Variants in NECAB1 observed in about 807,000 individuals in gnomAD.
NECAB1 encodes N-terminal EF-hand calcium-binding protein 1.
NECAB1 carries 29 observed loss-of-function variants against 57.5 expected under a neutral mutation model. The observed-to-expected ratio is 0.50, with a 90% CI of 0.38 to 0.69. The LOEUF (loss-of-function observed/expected upper bound fraction) is 0.69. Ranked by LOEUF, NECAB1 falls within the 30% of genes least tolerant of loss-of-function variation. NECAB1 has a pLI of 0.00. For missense variants in NECAB1, 372 were observed against 413.8 expected, an observed-to-expected ratio of 0.90 and a Z score of 0.88; for synonymous variants, 142 against 147.7, an observed-to-expected ratio of 0.96 and a Z score of 0.28.
At chr8:90,875,156 C>T (rs1024981945) in intron 4 of NECAB1, among the ~76,000 whole-genome samples, 1 of 152,068 alleles carries the variant, frequency 6.6e-6, no homozygotes, top group African/African-American at 2.4e-5. Context: ...TTTACTGAAC[C>T]GTTTTGCAGA....
intron 3 of NECAB1, among the ~76,000 whole-genome samples, chr8:90,828,532 T>A (rs1452734295): frequency 6.6e-6 from 1 of 152,042 alleles, no homozygotes; most frequent in African/African-American, 2.4e-5. Context: ...CCTTGTATAG[T>A]GACTGTTTGC....
At chr8:90,837,387 A>G (rs529174866) in intron 3 of NECAB1, among the ~76,000 whole-genome samples, 1 of 152,356 alleles carries the variant, frequency 6.6e-6, no homozygotes, top group East Asian at 1.9e-4. Flanking sequence ...CAGGTATTGT[A>G]TACAGTGTGG....
intron 2 of NECAB1, among the ~76,000 whole-genome samples, chr8:90,819,869 A>G (rs1380509641): frequency 2.6e-5 from 4 of 151,300 alleles, no homozygotes; most frequent in Admixed American, 2.6e-4. Context: ...TAGGGAGAAC[A>G]TTTGGGGTAT....
intron 3 of NECAB1, among the ~76,000 whole-genome samples, chr8:90,861,267 G>C (rs1812896857): frequency 6.6e-6 from 1 of 152,120 alleles, no homozygotes; most frequent in African/African-American, 2.4e-5. Flanking sequence ...TCTGTAAATA[G>C]GGACTTCTGT....
chr8:90,799,911 A>G lies in NECAB1; in HGVS notation c.100-1780A>G, dbSNP rs1586028952. Reference sequence around the variant, plus strand: ...TGCTTTGGGTAGTATGGCCATTTTAACAATATTGATTCTTCCAATTCTTGA... The same window carrying G: ...TGCTTTGGGTAGTATGGCCATTTTAGCAATATTGATTCTTCCAATTCTTGA... On this transcript the variant is annotated intron_variant, in intron 1 of 12. Transcript: ENST00000417640. Among the ~76,000 whole-genome samples, 3 of 152,340 alleles carry G rather than the reference A, an allele frequency of 2.0e-5. 1 individual carries two copies. Among genetic ancestry groups the G allele is most frequent in the Non-Finnish European group, 1.5e-5 (1 of 68,016 alleles).
intron 9 of NECAB1, among the ~76,000 whole-genome samples, chr8:90,935,659 T>A (rs1263864668): frequency 6.6e-6 from 1 of 152,184 alleles, no homozygotes; most frequent in African/African-American, 2.4e-5. Context: ...ATATAACTTA[T>A]CTAATGTTGT....
rs1460084931 is a variant in NECAB1 at position 90,956,695 on chromosome 8, T to C, written c.*1183T>C. On this transcript the variant is annotated 3_prime_UTR_variant, in exon 13 of 13. Coordinates refer to ENST00000417640, the MANE Select transcript of NECAB1 (RefSeq NM_022351.5). Reference sequence around the variant, plus strand: ...AACTATAAGTCTTTGAGGAAAATTATAAGGTAAAATTTTCCTGTTTTTCCC... The same window carrying C: ...AACTATAAGTCTTTGAGGAAAATTACAAGGTAAAATTTTCCTGTTTTTCCC... The C allele has an allele frequency of 6.6e-6, 1 of 152,178 alleles. No individual in the cohort carries two copies. The highest frequency in any genetic ancestry group is 2.4e-5 in the African/African-American group (1 of 41,408). 9.4% of individuals were successfully genotyped at this position (152,178 alleles called of 1,614,324 possible).
chr8:90,895,181 G>A (rs1196280954), intron 5 of NECAB1, among the ~76,000 whole-genome samples: 2 of 152,192 alleles, frequency 1.3e-5, no homozygotes, highest in East Asian at 3.8e-4. Flanking sequence ...TAAAAGGGAA[G>A]CACAGCACCT....
rs367570451 is a variant in NECAB1, at chr8:90,810,286, G to A, written c.124+8571G>A. Among the ~76,000 whole-genome samples the A allele has an allele frequency of 2.6e-5, 4 of 152,244 alleles. No individual in the cohort carries two copies. In the South Asian group the frequency reaches 8.3e-4, roughly 32 times the overall value. On this transcript the variant is annotated intron_variant, in intron 2 of 12. Coordinates refer to ENST00000417640, the MANE Select transcript of NECAB1 (RefSeq NM_022351.5). ...ATTTTGGCTATGTTCCTGTTTTAAG[G>A]TGGCATGGTATGATGGAGAGTTGGA... is the stretch of plus-strand genomic sequence containing the variant.
intron 8 of NECAB1, among the ~76,000 whole-genome samples, chr8:90,931,520 T>A (rs910695964): frequency 6.6e-6 from 1 of 152,236 alleles, no homozygotes; most frequent in Non-Finnish European, 1.5e-5. Flanking sequence ...TAGGTTTCTT[T>A]AGGTATTCCT....
chr8:90,906,889 A>ATATATATATATATATATGTATGTATATG (rs1586111020), intron 5 of NECAB1, among the ~76,000 whole-genome samples: 2 of 72,852 alleles, frequency 2.7e-5, no homozygotes, highest in African/African-American at 1.1e-4. Context: ...ATATATATAT[A>ATATATATATATATATATGTATGTATATG]TATATATATA....
In NECAB1 at chr8:90,934,448, T is replaced by C. The variant is rs535655278; in HGVS notation, c.747+91T>C. On this transcript the variant is annotated intron_variant, in intron 9 of 12. Transcript: ENST00000417640. The stretch of plus-strand genomic sequence containing the variant: ...AAAAATTAGTTATCTCAATGAAAAA[T>C]TGAAAAACCAAGTAGTCGTATTTCA... 2.2e-3 allele frequency: 1,935 copies of C among 878,110 alleles called. 7 individuals carry two copies. The highest frequency in any genetic ancestry group is 2.8e-3 in the Non-Finnish European group (1,673 of 597,582). 54.4% of individuals were successfully genotyped at this position (878,110 alleles called of 1,614,324 possible). A position where few individuals can be genotyped will look rare whatever the true frequency, so the allele number is the denominator to read the frequency against.
At position 90,872,995 on chromosome 8, in the gene NECAB1, T is replaced by C. The variant is rs112793452; in HGVS notation, c.259+842T>C. Among the ~76,000 whole-genome samples, 25 of 152,156 alleles carry C rather than the reference T, an allele frequency of 1.6e-4. 1 individual carries two copies. The highest frequency in any genetic ancestry group is 5.8e-4 in the African/African-American group (24 of 41,522). The stretch of plus-strand genomic sequence containing the variant: ...ACAGTTTCAGAATTTACCAAAACCA[T>C]AAAAAAAGGCCATTTTCTTATATTC... On this transcript the variant is annotated intron_variant, in intron 4 of 12. Coordinates refer to ENST00000417640, the MANE Select transcript of NECAB1 (RefSeq NM_022351.5).
intron 3 of NECAB1, among the ~76,000 whole-genome samples, chr8:90,834,921 ATT>A (rs2129730153): frequency 6.7e-6 from 1 of 149,280 alleles, no homozygotes; most frequent in African/African-American, 2.5e-5. Flanking sequence ...GGTCTTGTGT[ATT>A]TTTTCCATGT....
intron 3 of NECAB1, among the ~76,000 whole-genome samples, chr8:90,841,280 A>G (rs1384914505): frequency 2.8e-5 from 4 of 143,142 alleles, no homozygotes; most frequent in East Asian, 2.2e-4. Flanking sequence ...AAAAAAAAAA[A>G]GGGACCAAGT....
intron 3 of NECAB1, chr8:90,859,169 G>C (rs1408244310): frequency 6.6e-6 from 1 of 152,210 alleles, no homozygotes; most frequent in Admixed American, 6.5e-5. Context: ...CCCGCCTCTG[G>C]ATGAATATAG....
At position 90,876,009 on chromosome 8, in the gene NECAB1, C is replaced by CA. The variant is rs1325041330; in HGVS notation, c.259+3862dup. Reference sequence around the variant, plus strand: ...TGGGCGACAGAGCAAGACTCTGTCTCAAAAAATAATAATAATAAATAAAGT... The same window carrying CA: ...TGGGCGACAGAGCAAGACTCTGTCTCAAAAAAATAATAATAATAAATAAAGT... On this transcript the variant is annotated intron_variant, in intron 4 of 12. Transcript: ENST00000417640. 2.0e-5 allele frequency among the ~76,000 whole-genome samples: 3 copies of CA among 151,746 alleles called. No individual in the cohort carries two copies. In the South Asian group the frequency reaches 6.2e-4, roughly 32 times the overall value.
At chr8:90,839,441 G>T (rs1202278267) in intron 3 of NECAB1, among the ~76,000 whole-genome samples, 1 of 152,210 alleles carries the variant, frequency 6.6e-6, no homozygotes, top group Admixed American at 6.5e-5. Context: ...TAGGAATATA[G>T]TGGTGGTAAA....
In NECAB1 at chr8:90,907,151, TGA is replaced by T. The variant is rs71266152; in HGVS notation, c.358-10304_358-10303del. Among the ~76,000 whole-genome samples the T allele has an allele frequency of 5.0e-3, 507 of 101,990 alleles. 8 individuals carry two copies. The highest frequency in any genetic ancestry group is 6.4e-3 in the South Asian group (20 of 3,146). 66.9% of individuals were successfully genotyped at this position (101,990 alleles called of 152,430 possible). A position where few individuals can be genotyped will look rare whatever the true frequency, so the allele number is the denominator to read the frequency against. On this transcript the variant is annotated intron_variant, in intron 5 of 12. Transcript: ENST00000417640. ...GTGTGTGTGTGTGTGTGTGTGTGTGTGAGAGAGAGAGAGAGAGAGAGAGAGAG... is the reference window on the plus strand; with the variant it reads ...GTGTGTGTGTGTGTGTGTGTGTGTGTGAGAGAGAGAGAGAGAGAGAGAGAG...
Sources: allele counts gnomAD v4.1 joint callset (sites outside exome capture counted in the v4.1 genomes callset), GRCh38; gene constraint gnomAD v4.1.1; transcripts MANE v1.5; gene names NCBI Gene and HGNC (gene_info 2026-07-23, HGNC 2026-07-21).